The following CRACD variants were observed in gnomAD, a reference collection of about 807,000 sequenced individuals.
CRACD encodes capping protein inhibiting regulator of actin dynamics.
A neutral mutation model predicts 106.8 loss-of-function variants in CRACD; 56 were observed. The ratio of observed to expected loss-of-function variants is 0.52; its 90% confidence interval spans 0.42 to 0.66. The LOEUF (loss-of-function observed/expected upper bound fraction) is 0.66, where lower values mean the gene tolerates loss of function less well. Among genes scored for constraint, CRACD ranks in the 30% least tolerant of loss-of-function variants. The pLI is 0.00. For missense variants in CRACD, 1,730 were observed against 1,623.2 expected (o/e 1.07, Z -1.13); for synonymous variants, 754 against 670.8 (o/e 1.12, Z -1.92).
At chr4:56,242,552 G>A (rs1220243642) in intron 2 of CRACD, among the ~76,000 whole-genome samples, 2 of 152,136 alleles carry the variant, frequency 1.3e-5, no homozygotes, top group Non-Finnish European at 2.9e-5. Flanking sequence ...TGGCGAGAAA[G>A]TGGTAAGGTC....
intron 1 of CRACD, among the ~76,000 whole-genome samples, chr4:56,131,862 A>G (rs1359283490): frequency 4.6e-5 from 7 of 152,146 alleles, no homozygotes; most frequent in Admixed American, 4.6e-4. Flanking sequence ...AATAGTATAT[A>G]TAACAAATAC....
chr4:56,112,500 G>A (rs187870460), intron 1 of CRACD, among the ~76,000 whole-genome samples: 429 of 147,854 alleles, frequency 2.9e-3, no homozygotes, highest in Non-Finnish European at 5.0e-3. Flanking sequence ...TTTGGGATCA[G>A]CGGAAAGGAA....
chr4:56,079,962 C>G (rs991606549), intron 1 of CRACD, among the ~76,000 whole-genome samples: 2 of 152,108 alleles, frequency 1.3e-5, no homozygotes, highest in African/African-American at 4.8e-5. Context: ...AAGATTGCAA[C>G]ATAGAAATAC....
intron 2 of CRACD, among the ~76,000 whole-genome samples, chr4:56,218,237 C>T (rs912427934): frequency 6.6e-6 from 1 of 152,002 alleles, no homozygotes; most frequent in Non-Finnish European, 1.5e-5. Flanking sequence ...ACAATTTAAT[C>T]CCTGTCAAAT....
chr4:56,255,171 A>T (rs1199195436), intron 2 of CRACD, among the ~76,000 whole-genome samples: 1 of 151,764 alleles, frequency 6.6e-6, no homozygotes, highest in Non-Finnish European at 1.5e-5. Flanking sequence ...TGAAATCTAT[A>T]ACTAAACAGT....
chr4:56,279,361 AC>A lies in CRACD; in HGVS notation c.-17+6871del, dbSNP rs113612978. Among the ~76,000 whole-genome samples the A allele has an allele frequency of 1.8e-3, 271 of 152,292 alleles. 1 individual carries two copies. The highest frequency in any genetic ancestry group is 6.1e-3 in the African/African-American group (254 of 41,550). On this transcript the variant is annotated intron_variant, in intron 3 of 10. Transcript: ENST00000682029. Reference sequence around the variant, plus strand: ...AAACTACCATCGGAGTGAACAGGCAACCTACAACATGGGAGAAAATTTTTGC... The same window carrying A: ...AAACTACCATCGGAGTGAACAGGCAACTACAACATGGGAGAAAATTTTTGC...
At chr4:56,147,052 T>C (rs1295683080) in intron 1 of CRACD, among the ~76,000 whole-genome samples, 2 of 152,104 alleles carry the variant, frequency 1.3e-5, no homozygotes, top group Non-Finnish European at 2.9e-5. Context: ...TAATTGCCCA[T>C]CCGGAGGTCC....
intron 2 of CRACD, among the ~76,000 whole-genome samples, chr4:56,190,883 A>C (rs1737339660): frequency 2.0e-5 from 3 of 152,172 alleles, no homozygotes; most frequent in South Asian, 2.1e-4. Context: ...GAGGGCTATA[A>C]AAAATAAATA....
chr4:56,063,363 A>C (rs986774452), intron 1 of CRACD, among the ~76,000 whole-genome samples: 4 of 152,138 alleles, frequency 2.6e-5, no homozygotes, highest in African/African-American at 9.7e-5. Flanking sequence ...CAGCCAAAAA[A>C]ATTTTTTATT....
chr4:56,222,952 G>C (rs755433159), intron 2 of CRACD, among the ~76,000 whole-genome samples: 10 of 151,568 alleles, frequency 6.6e-5, no homozygotes, highest in Non-Finnish European at 1.3e-4. Context: ...TCCAGCCTGG[G>C]TGACAGAACA....
intron 2 of CRACD, among the ~76,000 whole-genome samples, chr4:56,190,922 G>T (rs922425448): frequency 6.6e-6 from 1 of 151,992 alleles, no homozygotes; most frequent in East Asian, 1.9e-4. Context: ...CAGCATGGGG[G>T]AAACCACCCC....
intron 1 of CRACD, among the ~76,000 whole-genome samples, chr4:56,160,542 C>T (rs1027804394): frequency 7.2e-5 from 11 of 152,274 alleles, no homozygotes; most frequent in Non-Finnish European, 1.6e-4. Flanking sequence ...AACAGACCCT[C>T]GCCTCCTGCC....
chr4:56,104,420 C>T (rs1027082527), intron 1 of CRACD, among the ~76,000 whole-genome samples: 5 of 151,802 alleles, frequency 3.3e-5, no homozygotes, highest in African/African-American at 1.2e-4. Flanking sequence ...AAAAAACAAA[C>T]AAAACCAAAA....
chr4:56,204,065 T>C (rs2109479014), intron 2 of CRACD, among the ~76,000 whole-genome samples: 1 of 152,360 alleles, frequency 6.6e-6, no homozygotes, highest in African/African-American at 2.4e-5. Context: ...CTGGGGCATG[T>C]AGCTGGCACT....
At chr4:56,069,557 C>T (rs569841009) in intron 1 of CRACD, among the ~76,000 whole-genome samples, 1 of 152,276 alleles carries the variant, frequency 6.6e-6, no homozygotes, top group East Asian at 1.9e-4. Flanking sequence ...TTCTCCCTTC[C>T]TAAGTATCAA....
intron 2 of CRACD, among the ~76,000 whole-genome samples, chr4:56,238,559 A>G (rs1384023932): frequency 6.6e-6 from 1 of 152,176 alleles, no homozygotes; most frequent in Non-Finnish European, 1.5e-5. Flanking sequence ...TCAACAACTC[A>G]TTGTAGGAAC....
chr4:56,188,934 G>A (rs1737227719), intron 2 of CRACD, among the ~76,000 whole-genome samples: 1 of 152,060 alleles, frequency 6.6e-6, no homozygotes, highest in Non-Finnish European at 1.5e-5. Flanking sequence ...TACTTCGGAA[G>A]GCCGAAGCGG....
At chr4:56,072,016 T>C (rs1732673343) in intron 1 of CRACD, among the ~76,000 whole-genome samples, 1 of 151,016 alleles carries the variant, frequency 6.6e-6, no homozygotes. Flanking sequence ...TAGTCCCAGC[T>C]ACGCGGGAGG....
chr4:56,280,036 C>A (rs994754448), intron 3 of CRACD, among the ~76,000 whole-genome samples: 2 of 149,016 alleles, frequency 1.3e-5, no homozygotes, highest in Admixed American at 6.8e-5. Flanking sequence ...AGCAAACTAT[C>A]GCAAGGACAA....
Sources: allele counts gnomAD v4.1 joint callset (sites outside exome capture counted in the v4.1 genomes callset), GRCh38; gene constraint gnomAD v4.1.1; transcripts MANE v1.5; gene names NCBI Gene and HGNC (gene_info 2026-07-23, HGNC 2026-07-21).